Variants in RC3H2 observed in about 807,000 individuals in gnomAD.
RC3H2 encodes the protein ring finger and CCCH-type domains 2, also known as roquin-2.
RC3H2 carries 31 observed loss-of-function variants against 133.3 expected under a neutral mutation model. That is an observed-to-expected ratio of 0.23 (90% CI 0.17 to 0.31). The LOEUF is 0.31. Among genes scored for constraint, RC3H2 ranks in the 10% least tolerant of loss-of-function variants. The probability of loss-of-function intolerance (pLI) is 1.00; values close to 1 mark genes in which losing one functional copy is unlikely to be tolerated. For missense variants in RC3H2, 1,175 were observed against 1,437.2 expected (o/e 0.82, Z 2.95); for synonymous variants, 517 against 502.2 (o/e 1.03, Z -0.40).
chr9:122,862,972 AC>A (rs1830515531), intron 10 of RC3H2, among the ~76,000 whole-genome samples: 1 of 151,878 alleles, frequency 6.6e-6, no homozygotes, highest in Non-Finnish European at 1.5e-5. Context: ...TTTAGGGTGT[AC>A]AATTCAGTAA....
intron 4 of RC3H2, among the ~76,000 whole-genome samples, chr9:122,884,927 AAAG>A (rs1831840783): frequency 6.6e-6 from 1 of 152,134 alleles, no homozygotes; most frequent in East Asian, 1.9e-4. Flanking sequence ...CATGAAAGGC[AAAG>A]AAAAGCTGAG....
chr9:122,865,073 GA>G (rs960381186), intron 10 of RC3H2, among the ~76,000 whole-genome samples: 1 of 148,758 alleles, frequency 6.7e-6, no homozygotes, highest in African/African-American at 2.5e-5. Context: ...AATAAGGTGT[GA>G]AAAAAAAACA....
chr9:122,903,370 T>C (rs1388115271), intron 1 of RC3H2, among the ~76,000 whole-genome samples: 1 of 152,238 alleles, frequency 6.6e-6, no homozygotes, highest in African/African-American at 2.4e-5. Context: ...TTTTTTAGCG[T>C]TCTTAGCTAT....
At position 122,858,661 on chromosome 9, in the gene RC3H2, T is replaced by A. The variant is rs757208139; in HGVS notation, c.2283+8A>T. 3.1e-6 allele frequency: 5 copies of A among 1,601,944 alleles called. No individual in the cohort carries two copies. Among genetic ancestry groups the A allele is most frequent in the Non-Finnish European group, 4.2e-6 (5 of 1,176,656 alleles). ...TAATGACTACATTATAGTAGCATCT[T>A]CACTTACCCTTGGTAAAGGCACAGT... is the stretch of plus-strand genomic sequence containing the variant. On this transcript the variant is annotated splice_region_variant and intron_variant, in intron 12 of 20. Transcript: ENST00000357244.
rs10560103 is a variant in RC3H2, at chr9:122,869,560, ATTTTTTT to A, written c.1326-3910_1326-3904del. On this transcript the variant is annotated intron_variant, in intron 9 of 20. Coordinates refer to ENST00000357244, the MANE Select transcript of RC3H2 (RefSeq NM_001100588.3). ...AAACAGGTGATGGCCAGTTTACACG[ATTTTTTT>A]TTTTTTTTTTTTTTGAGGCGGAGTT... Among the ~76,000 whole-genome samples, 4 of 104,528 alleles carry A rather than the reference ATTTTTTT, an allele frequency of 3.8e-5. No individual in the cohort carries two copies. The Admixed American group carries it at 3.9e-4, about 10-fold the overall frequency. 68.6% of individuals were successfully genotyped at this position (104,528 alleles called of 152,430 possible).
intron 20 of RC3H2, 74 bp from the exon 21 acceptor site, chr9:122,849,896 A>C: frequency 1.9e-6 from 2 of 1,041,604 alleles, no homozygotes; most frequent in Non-Finnish European, 2.7e-6. Flanking sequence ...ATACATATTT[A>C]ATGAAAGCTA....
rs748381692 is a variant in RC3H2, at chr9:122,892,979, T to A, written c.279A>T (p.Lys93Asn). The A allele has an allele frequency of 1.5e-5, 24 of 1,612,752 alleles. No homozygotes were observed. The South Asian group carries it at 2.6e-4, about 18-fold the overall frequency. Reference sequence around the variant, plus strand: ...CGCATTTCTTTGCAACCTCATAGTGTTTATTCTCACCTAGATTACTTAACT... The same window carrying A: ...CGCATTTCTTTGCAACCTCATAGTGATTATTCTCACCTAGATTACTTAACT... ...SIKLSNLGEN[K>N]HYEVAKKCVE... Residue 93 changes from lysine (K) to asparagine (N), a missense_variant, in exon 3 of 21, where the codon AAA becomes AAT. By Grantham distance (94) the Lys-to-Asn change is moderately conservative. Coordinates refer to ENST00000357244, the MANE Select transcript of RC3H2 (RefSeq NM_001100588.3).
chr9:122,858,490 A>T (rs577157100), intron 12 of RC3H2, among the ~76,000 whole-genome samples, 179 bp downstream of exon 12: 1 of 152,364 alleles, frequency 6.6e-6, no homozygotes, highest in South Asian at 2.1e-4. Context: ...CAACAGCCTT[A>T]TGAGGTAGGT....
At chr9:122,871,831 T>A (rs1359472698) in intron 9 of RC3H2, among the ~76,000 whole-genome samples, 1 of 152,204 alleles carries the variant, frequency 6.6e-6, no homozygotes, top group Non-Finnish European at 1.5e-5. Context: ...CATCTCTCTA[T>A]CTTTAGCACA....
At chr9:122,875,079 T>A in intron 9 of RC3H2, 1 of 1,274,634 alleles carries the variant, frequency 7.8e-7, no homozygotes. Flanking sequence ...GCTGAATGTA[T>A]TTCCTGGAGT....
chr9:122,900,676 C>T (rs1832618757), intron 1 of RC3H2, among the ~76,000 whole-genome samples: 1 of 152,048 alleles, frequency 6.6e-6, no homozygotes, highest in Admixed American at 6.5e-5. Flanking sequence ...GTCTAAATTG[C>T]TATGAATATT....
At position 122,896,083 on chromosome 9, in the gene RC3H2, A is replaced by T. The variant is rs1450437139; in HGVS notation, c.231+1196T>A. Among the ~76,000 whole-genome samples, 643 of 151,114 alleles carry T rather than the reference A, an allele frequency of 4.3e-3. 3 individuals carry two copies. The highest frequency in any genetic ancestry group is 0.015 in the African/African-American group (609 of 41,078). On this transcript the variant is annotated intron_variant, in intron 2 of 20. Transcript: ENST00000357244. ...TACTGGAAGAATTGTCTTGGGCCAC[A>T]CATAAGATACACTAACACTAACAAT...
At chr9:122,888,664 T>C (rs1041216816) in intron 4 of RC3H2, among the ~76,000 whole-genome samples, 1 of 152,236 alleles carries the variant, frequency 6.6e-6, no homozygotes, top group African/African-American at 2.4e-5. Context: ...TTCTTCCTCA[T>C]TTCTTTCGAC....
rs568025698 is a variant in RC3H2, at chr9:122,903,897, G to T, written c.-68+1213C>A. ...GTATAGCTTTTTAGACAGCTAAAAG[G>T]TTTTTTAAAAAGGAGAATCTATTAA... On this transcript the variant is annotated intron_variant, in intron 1 of 20. Coordinates refer to ENST00000357244, the MANE Select transcript of RC3H2 (RefSeq NM_001100588.3). 1.4e-4 allele frequency among the ~76,000 whole-genome samples: 21 copies of T among 152,308 alleles called. No homozygotes were observed. The South Asian group carries it at 3.9e-3, about 29-fold the overall frequency.
intron 4 of RC3H2, among the ~76,000 whole-genome samples, chr9:122,888,621 T>C (rs1275032708): frequency 1.3e-5 from 2 of 152,244 alleles, no homozygotes; most frequent in African/African-American, 4.8e-5. Context: ...CTTACCAACG[T>C]ATCTGGAGGT....
In RC3H2 at chr9:122,849,218, G is replaced by A. The variant is rs1458449102; in HGVS notation, c.*409C>T. 2 of 151,988 alleles carry A rather than the reference G, an allele frequency of 1.3e-5. No individual in the cohort carries two copies. The highest frequency in any genetic ancestry group is 4.8e-5 in the African/African-American group (2 of 41,398). 9.4% of individuals were successfully genotyped at this position (151,988 alleles called of 1,614,324 possible). A position where few individuals can be genotyped will look rare whatever the true frequency, so the allele number is the denominator to read the frequency against. On this transcript the variant is annotated 3_prime_UTR_variant, in exon 21 of 21. Transcript: ENST00000357244. ...TGAAACATAAAATAGAAATAAATAA[G>A]TTAACTAAGTCTACTTTCACTAGAT...
intron 9 of RC3H2, among the ~76,000 whole-genome samples, chr9:122,868,170 G>A (rs1289336176): frequency 2.6e-5 from 4 of 151,340 alleles, no homozygotes; most frequent in African/African-American, 7.3e-5. Flanking sequence ...TGTGAGGGGC[G>A]CCTCTGCCCG....
At chr9:122,876,823 G>A (rs887915055) in intron 9 of RC3H2, among the ~76,000 whole-genome samples, 1 of 151,914 alleles carries the variant, frequency 6.6e-6, no homozygotes, top group Non-Finnish European at 1.5e-5. Context: ...AACCATAGGA[G>A]AAGAGAAAGA....
At chr9:122,853,725 CG>C in intron 18 of RC3H2, 2 of 1,195,490 alleles carry the variant, frequency 1.7e-6, no homozygotes, top group African/African-American at 3.1e-5. Flanking sequence ...GCACTCCAGG[CG>C]ATAGAGCAAG....
Sources: gnomAD v4.1 joint callset for allele counts (sites outside exome capture counted in the v4.1 genomes callset) on GRCh38, gnomAD v4.1.1 for gene constraint, MANE v1.5 for transcripts, NCBI Gene and HGNC (gene_info 2026-07-23, HGNC 2026-07-21) for gene names.